The following SLC22A16 variants were observed in gnomAD, a reference collection of about 807,000 sequenced individuals.
SLC22A16 encodes the protein solute carrier family 22 member 16, also known as WUGSC:RG331P03.1.
Under a neutral mutation model 52.9 loss-of-function variants are expected in SLC22A16, and 53 were observed. The observed-to-expected ratio is 1.00, with a 90% CI of 0.80 to 1.26. SLC22A16 has a LOEUF of 1.26. SLC22A16 is among the 50% of genes most tolerant of loss of function. The pLI is 0.00. For missense variants in SLC22A16, 726 were observed against 704.0 expected, an observed-to-expected ratio of 1.03 and a Z score of -0.35; for synonymous variants, 291 against 268.8, an observed-to-expected ratio of 1.08 and a Z score of -0.81.
At chr6:110,454,215 G>A (rs1775494554) in intron 2 of SLC22A16, among the ~76,000 whole-genome samples, 1 of 152,076 alleles carries the variant, frequency 6.6e-6, no homozygotes, top group African/African-American at 2.4e-5. Flanking sequence ...AGACAACTCT[G>A]AGAAATGGCC....
At chr6:110,428,793 G>A (rs546212274) in intron 7 of SLC22A16, among the ~76,000 whole-genome samples, 9 of 152,240 alleles carry the variant, frequency 5.9e-5, no homozygotes, top group African/African-American at 9.6e-5. Flanking sequence ...GGTGGCGCAC[G>A]CCTGTAGTCC....
chr6:110,441,517 T>C (rs1774962192), intron 4 of SLC22A16, among the ~76,000 whole-genome samples: 1 of 152,196 alleles, frequency 6.6e-6, no homozygotes, highest in African/African-American at 2.4e-5. Flanking sequence ...AAAGCAAAAG[T>C]GGACCAGTCG....
rs759449971 is a variant in SLC22A16, at chr6:110,438,711, A to G, written c.1311+9T>C. Reference sequence around the variant, plus strand: ...ATAACTGTCTTATAAAAAACAGAAGATAACTCACCTGGGGGATCACCATAA... The same window carrying G: ...ATAACTGTCTTATAAAAAACAGAAGGTAACTCACCTGGGGGATCACCATAA... On this transcript the variant is annotated intron_variant, in intron 5 of 7. Transcript: ENST00000368919. 9.9e-6 allele frequency: 16 copies of G among 1,608,728 alleles called. No individual in the cohort carries two copies. In the South Asian group the frequency reaches 1.6e-4, roughly 16 times the overall value.
At chr6:110,429,390 G>T (rs9481068) in intron 7 of SLC22A16, among the ~76,000 whole-genome samples, 1 of 152,152 alleles carries the variant, frequency 6.6e-6, no homozygotes, top group African/African-American at 2.4e-5. Context: ...CCGAAGAGCC[G>T]TATGTGTACC....
intron 3 of SLC22A16, among the ~76,000 whole-genome samples, chr6:110,444,118 T>G (rs1315491831): frequency 6.6e-6 from 1 of 152,222 alleles, no homozygotes; most frequent in Non-Finnish European, 1.5e-5. Flanking sequence ...GATGGTAAAT[T>G]TTGTGTTATA....
Position 110,456,925 on chromosome 6 carries a change from T to C in SLC22A16, c.146A>G (p.His49Arg), listed in dbSNP as rs714368. ...ATTGCCTGGGGGCCTGCAGACATGATGAGGGGTGACTCCCATGAACACAGA... is the reference window on the plus strand; with the variant it reads ...ATTGCCTGGGGGCCTGCAGACATGACGAGGGGTGACTCCCATGAACACAGA... The part of the protein sequence containing the change: ...LASVFMGVTP[H>R]HVCRPPGNVS... The change falls in exon 2 of 8, where the codon CAT becomes CGT. Residue 49 changes from histidine to arginine, a missense_variant. Coordinates refer to ENST00000368919, the MANE Select transcript of SLC22A16 (RefSeq NM_033125.4). 0.24 allele frequency: 385,756 copies of C among 1,612,452 alleles called. 48,459 individuals carry two copies. Among genetic ancestry groups the C allele is most frequent in the East Asian group, 0.43 (19,213 of 44,836 alleles).
rs74844483 is a variant in SLC22A16 at position 110,426,686 on chromosome 6, A to G, written c.1522-1601T>C. On this transcript the variant is annotated intron_variant, in intron 7 of 7. Coordinates refer to ENST00000368919, the MANE Select transcript of SLC22A16 (RefSeq NM_033125.4). ...CTCAAAGGGCTGGGCATGGTGGCTC[A>G]AGCCTATAACCCCAGCATTTCAGGA... Among the ~76,000 whole-genome samples, 1,044 of 152,260 alleles carry G rather than the reference A, an allele frequency of 6.9e-3. 40 individuals carry two copies. The East Asian group carries it at 0.13, about 18-fold the overall frequency.
At chr6:110,447,500 AT>A (rs1459473625) in intron 2 of SLC22A16, among the ~76,000 whole-genome samples, 7 of 152,232 alleles carry the variant, frequency 4.6e-5, no homozygotes, top group Non-Finnish European at 8.8e-5. Flanking sequence ...AGATTTTAAA[AT>A]TGTGATATAA....
rs775428561 is a variant in SLC22A16, at chr6:110,424,924, C to T, written c.1683G>A (p.Gly561=). The T allele has an allele frequency of 6.8e-6, 11 of 1,613,962 alleles. No individual in the cohort carries two copies. In the African/African-American group the frequency reaches 1.5e-4, roughly 22 times the overall value. Residue 561 remains glycine (G), a synonymous_variant, in exon 8 of 8, where the codon GGG becomes GGA. Coordinates refer to ENST00000368919, the MANE Select transcript of SLC22A16 (RefSeq NM_033125.4). ...GGGTAATCGCTTCCGTTTTTTCCAG[C>T]CCACTATTATTAGTTGTGAGAAGTA... ...SKLLLTTNNS[G]LEKTEAITPR...
intron 7 of SLC22A16, among the ~76,000 whole-genome samples, chr6:110,427,691 G>A (rs778362537): frequency 9.2e-5 from 14 of 152,154 alleles, no homozygotes; most frequent in Admixed American, 3.3e-4. Flanking sequence ...GTAGAGACGG[G>A]GTGTCGCCAT....
chr6:110,475,800 G>A, intron 1 of SLC22A16: 1 of 407,558 alleles, frequency 2.5e-6, no homozygotes, highest in Non-Finnish European at 4.9e-6. Flanking sequence ...ACGAACGAAT[G>A]AATAATTTAA....
At chr6:110,440,554 G>A (rs1468838504) in intron 4 of SLC22A16, among the ~76,000 whole-genome samples, 1 of 152,222 alleles carries the variant, frequency 6.6e-6, no homozygotes, top group African/African-American at 2.4e-5. Flanking sequence ...AAGGCGGGTG[G>A]ATCACCTGAG....
intron 6 of SLC22A16, among the ~76,000 whole-genome samples, chr6:110,432,792 G>T (rs771236960): frequency 6.6e-6 from 1 of 152,196 alleles, no homozygotes; most frequent in Non-Finnish European, 1.5e-5. Flanking sequence ...GTGCAGGGCT[G>T]CCACTTTCAC....
chr6:110,433,269 C>A (rs562597619), intron 6 of SLC22A16, among the ~76,000 whole-genome samples: 3 of 152,226 alleles, frequency 2.0e-5, no homozygotes, highest in Admixed American at 1.3e-4. Flanking sequence ...TATATGTGTA[C>A]CTACTCTATC....
Position 110,456,726 on chromosome 6 carries a change from T to C in SLC22A16, c.345A>G (p.Glu115=), listed in dbSNP as rs770501337. 1.1e-5 allele frequency: 18 copies of C among 1,614,136 alleles called. No homozygotes were observed. Among genetic ancestry groups the C allele is most frequent in the Non-Finnish European group, 1.4e-5 (17 of 1,180,012 alleles). Residue 115 remains glutamate, a synonymous_variant, in exon 2 of 8, where the codon GAA becomes GAG. Coordinates refer to ENST00000368919, the MANE Select transcript of SLC22A16 (RefSeq NM_033125.4). Reference sequence around the variant, plus strand: ...GAAACTCTTTCTTACTGCCAGTGTATTCATAGCCCAAACTCGATGTGTTCT... The same window carrying C: ...GAAACTCTTTCTTACTGCCAGTGTACTCATAGCCCAAACTCGATGTGTTCT... ...KRENTSSLGY[E]YTGSKKEFPC...
In SLC22A16 at chr6:110,476,541, G is replaced by T; in HGVS notation, c.34C>A (p.His12Asn). Residue 12 changes from histidine (H) to asparagine (N), a missense_variant, in exon 1 of 8, where the codon CAC becomes AAC. Coordinates refer to ENST00000368919, the MANE Select transcript of SLC22A16 (RefSeq NM_033125.4). ...GSRHFEGIYD[H>N]VGHFGRFQRV... ...CCATACCTGCCGAAGTGCCCCACGT[G>T]GTCATAAATCCCCTCGAAGTGGCGG... The T allele has an allele frequency of 6.5e-7, 1 of 1,531,818 alleles. No homozygotes were observed. The highest frequency in any genetic ancestry group is 2.0e-5 in the Admixed American group (1 of 49,348). 94.9% of individuals were successfully genotyped at this position (1,531,818 alleles called of 1,614,324 possible).
chr6:110,462,822 T>C (rs566720520), intron 1 of SLC22A16, among the ~76,000 whole-genome samples: 1 of 152,202 alleles, frequency 6.6e-6, no homozygotes, highest in East Asian at 1.9e-4. Context: ...CATATAGTCA[T>C]CATACTATCC....
In SLC22A16 at chr6:110,424,791, G is replaced by A; in HGVS notation, c.*82C>T. ...TTAAAAAGACATACAAACAACATATGGGAGATGAGAATAAGATTCCTCTAA... is the reference window on the plus strand; with the variant it reads ...TTAAAAAGACATACAAACAACATATAGGAGATGAGAATAAGATTCCTCTAA... On this transcript the variant is annotated 3_prime_UTR_variant, in exon 8 of 8. Coordinates refer to ENST00000368919, the MANE Select transcript of SLC22A16 (RefSeq NM_033125.4). 1 of 1,465,126 alleles carries A rather than the reference G, an allele frequency of 6.8e-7. No individual in the cohort carries two copies. Among genetic ancestry groups the A allele is most frequent in the South Asian group, 1.2e-5 (1 of 81,514 alleles). The allele number at this position is 1,465,126 out of a possible 1,614,324, so 90.8% of individuals were successfully genotyped here.
chr6:110,476,500 C>CGCCA, intron 1 of SLC22A16, 22 bp downstream of exon 1: 2 of 1,433,064 alleles, frequency 1.4e-6, no homozygotes, highest in Non-Finnish European at 1.8e-6. Flanking sequence ...CCGCGTGGCG[C>CGCCA]CGCGGGGCCC....
Sources: allele counts gnomAD v4.1 joint callset (sites outside exome capture counted in the v4.1 genomes callset), GRCh38; gene constraint gnomAD v4.1.1; transcripts MANE v1.5; gene names NCBI Gene and HGNC (gene_info 2026-07-23, HGNC 2026-07-21).